Variants in USH1C observed in about 807,000 individuals in gnomAD.
The protein encoded by USH1C is harmonin.
In USH1C, 90 loss-of-function variants were observed where a neutral mutation model predicts 119.3. The observed-to-expected ratio is 0.75, with a 90% confidence interval of 0.64 to 0.90. The LOEUF (loss-of-function observed/expected upper bound fraction) is 0.90, where lower values mean the gene tolerates loss of function less well. Ranked by LOEUF, USH1C falls within the 40% of genes least tolerant of loss-of-function variation. USH1C has a pLI of 0.00. For synonymous variants in USH1C, 465 were observed against 443.3 expected (o/e 1.05, Z -0.62); for missense variants, 1,165 against 1,167.7 (o/e 1.00, Z 0.03).
intron 1 of USH1C, among the ~76,000 whole-genome samples, chr11:17,538,766 C>G (rs141776160): frequency 6.6e-6 from 1 of 152,092 alleles, no homozygotes; most frequent in Non-Finnish European, 1.5e-5. Context: ...AGATGAGAGG[C>G]GTGGGGAGAC....
chr11:17,514,781 C>T (rs1253958947), intron 15 of USH1C, among the ~76,000 whole-genome samples: 2 of 144,406 alleles, frequency 1.4e-5, no homozygotes, highest in African/African-American at 5.0e-5. Flanking sequence ...GCTATTGATT[C>T]TACCCAGAAG....
chr11:17,533,275 A>G lies in USH1C; in HGVS notation c.84T>C (p.Asp28=), dbSNP rs1287757145. 5.0e-6 allele frequency: 8 copies of G among 1,613,906 alleles called. No homozygotes were observed. The highest frequency in any genetic ancestry group is 6.8e-6 in the Non-Finnish European group (8 of 1,179,984). Residue 28 remains aspartate, a synonymous_variant, in exon 2 of 27, where the codon GAT becomes GAC. Coordinates refer to ENST00000005226, the MANE Select transcript of USH1C (RefSeq NM_153676.4). ...ENDAEKDYLY[D]VLRMYHQTMD... ...CTTACTGGTGGTACATTCGCAGCAC[A>G]TCATAGAGATAGTCCTTCTCTGCAT... is the stretch of plus-strand genomic sequence containing the variant.
chr11:17,496,751 CACTT>C lies in USH1C; in HGVS notation c.2546+3_2546+6del, dbSNP rs1849261660. The C allele has an allele frequency of 1.2e-6, 2 of 1,614,172 alleles. No homozygotes were observed. The highest frequency in any genetic ancestry group is 1.3e-5 in the African/African-American group (1 of 75,052). ...AGGTCTCAGGCTAGGTGCTTGCACA[CACTT>C]ACAGCTCATCGTCATACTCCTTTGG... On this transcript the variant is annotated splice_donor_5th_base_variant and intron_variant, in intron 25 of 26. Transcript: ENST00000005226.
At chr11:17,503,003 C>T (rs1436220095) in intron 20 of USH1C, among the ~76,000 whole-genome samples, 1 of 152,154 alleles carries the variant, frequency 6.6e-6, no homozygotes, top group Non-Finnish European at 1.5e-5. Flanking sequence ...GCTACAGATT[C>T]CCCTATCCTC....
intron 1 of USH1C, among the ~76,000 whole-genome samples, chr11:17,537,286 T>C (rs901649511): frequency 6.6e-6 from 1 of 152,240 alleles, no homozygotes; most frequent in African/African-American, 2.4e-5. Context: ...GCCCCTGCTC[T>C]AGGGTGCTTT....
intron 14 of USH1C, among the ~76,000 whole-genome samples, chr11:17,517,160 G>A (rs757099371): frequency 1.3e-5 from 2 of 152,138 alleles, no homozygotes; most frequent in Non-Finnish European, 2.9e-5. Flanking sequence ...CTAAATATTC[G>A]AGCCAGCGGT....
At chr11:17,499,822 A>T (rs2133778428) in intron 23 of USH1C, among the ~76,000 whole-genome samples, 1 of 152,250 alleles carries the variant, frequency 6.6e-6, no homozygotes, top group African/African-American at 2.4e-5. Context: ...GGCCTTTCCC[A>T]TCCCTGTTTC....
chr11:17,517,062 A>C (rs907158041), intron 14 of USH1C, among the ~76,000 whole-genome samples: 17 of 152,112 alleles, frequency 1.1e-4, no homozygotes, highest in Non-Finnish European at 1.8e-4. Context: ...GCTGGACCAG[A>C]CACTACCTCC....
In USH1C at chr11:17,501,524, C is replaced by A. The variant is rs756452832; in HGVS notation, c.2238G>T (p.Glu746Asp). ...GFDPYSMFTP[E>D]QIMGKDVRLL... Reference sequence around the variant, plus strand: ...GCCGGACATCCTTCCCCATGATCTGCTCTGGGGTGAACTAGAGAGAAAAAG... The same window carrying A: ...GCCGGACATCCTTCCCCATGATCTGATCTGGGGTGAACTAGAGAGAAAAAG... Residue 746 changes from glutamate to aspartate, a missense_variant, in exon 22 of 27, where the codon GAG (glutamate) becomes GAT (aspartate). Coordinates refer to ENST00000005226, the MANE Select transcript of USH1C (RefSeq NM_153676.4). 2 of 1,612,846 alleles carry A rather than the reference C, an allele frequency of 1.2e-6. No homozygotes were observed. Among genetic ancestry groups the A allele is most frequent in the Admixed American group, 3.3e-5 (2 of 59,864 alleles).
intron 8 of USH1C, among the ~76,000 whole-genome samples, chr11:17,525,401 A>G (rs999455356): frequency 6.6e-6 from 1 of 152,280 alleles, no homozygotes; most frequent in Non-Finnish European, 1.5e-5. Flanking sequence ...ATGAAAGGAA[A>G]GAACAGGGAT....
intron 20 of USH1C, among the ~76,000 whole-genome samples, chr11:17,503,743 C>T (rs1043078486): frequency 6.6e-6 from 1 of 152,206 alleles, no homozygotes; most frequent in African/African-American, 2.4e-5. Context: ...ATTAGCTGTG[C>T]CATCGTGGGC....
Position 17,526,934 on chromosome 11 carries a change from A to G in USH1C, c.521+82T>C, listed in dbSNP as rs1850707438. The G allele has an allele frequency of 1.9e-6, 3 of 1,570,250 alleles. No individual in the cohort carries two copies. In the South Asian group the frequency reaches 3.5e-5, roughly 18 times the overall value. ...CCACTGGCCCAGAAGCAGGGCTGGC[A>G]TGGTGGGAGCCGGACCCCAGGGCTG... On this transcript the variant is annotated intron_variant, in intron 6 of 26. Transcript: ENST00000005226.
intron 2 of USH1C, among the ~76,000 whole-genome samples, chr11:17,532,961 T>C (rs1427241892): frequency 6.6e-6 from 1 of 152,220 alleles, no homozygotes; most frequent in Non-Finnish European, 1.5e-5. Flanking sequence ...CCAACAATCA[T>C]GCTCTATAGA....
intron 24 of USH1C, 113 bp downstream of exon 24, chr11:17,498,049 G>C: frequency 1.1e-6 from 1 of 884,500 alleles, no homozygotes. Context: ...GTGTTGCCTG[G>C]ACTCCAGATG....
chr11:17,498,477 A>T (rs1211327089), intron 23 of USH1C, among the ~76,000 whole-genome samples: 1 of 151,806 alleles, frequency 6.6e-6, no homozygotes, highest in African/African-American at 2.4e-5. Flanking sequence ...TCCCTTCCAC[A>T]CCCCCTCACC....
intron 13 of USH1C, 51 bp downstream of exon 13, chr11:17,521,295 C>T (rs1351801731): frequency 5.6e-6 from 9 of 1,601,538 alleles, no homozygotes; most frequent in Non-Finnish European, 7.7e-6. Context: ...CCACACTCCC[C>T]TGAGCACACT....
rs1849214915 is a variant in USH1C, at chr11:17,495,561, C to T, written c.2655+8G>A. On this transcript the variant is annotated splice_region_variant and intron_variant, in intron 26 of 26. Transcript: ENST00000005226. ...ACACAGGGCCCTGTGGCCCGCCTGC[C>T]TATTCACCGTGGGCTCCAGCTGCAG... is the stretch of plus-strand genomic sequence containing the variant. 2 of 1,613,848 alleles carry T rather than the reference C, an allele frequency of 1.2e-6. No individual in the cohort carries two copies. Among genetic ancestry groups the T allele is most frequent in the East Asian group, 2.2e-5 (1 of 44,868 alleles).
At chr11:17,500,846 T>A (rs571456209) in intron 23 of USH1C, among the ~76,000 whole-genome samples, 2 of 152,286 alleles carry the variant, frequency 1.3e-5, no homozygotes, top group Non-Finnish European at 2.9e-5. Context: ...CACGGTGGCA[T>A]CTGGCTTGGC....
chr11:17,540,328 T>C (rs1350916686), intron 1 of USH1C, among the ~76,000 whole-genome samples: 1 of 152,142 alleles, frequency 6.6e-6, no homozygotes, highest in African/African-American at 2.4e-5. Context: ...TATTTCACCC[T>C]GTGCCTGGCA....
Sources: gnomAD v4.1 joint callset for allele counts (sites outside exome capture counted in the v4.1 genomes callset) on GRCh38, gnomAD v4.1.1 for gene constraint, MANE v1.5 for transcripts, NCBI Gene and HGNC (gene_info 2026-07-23, HGNC 2026-07-21) for gene names.